GRM7: variants seen among roughly 807,000 people sequenced by gnomAD.
GRM7 encodes the protein metabotropic glutamate receptor 7.
In GRM7, 35 loss-of-function variants were observed where a neutral mutation model predicts 84.5. That is an observed-to-expected ratio of 0.41 (90% confidence interval 0.32 to 0.55). The LOEUF is 0.55. GRM7 is among the 20% of genes least tolerant of loss of function. The pLI is 0.19. For missense variants in GRM7, 1,003 were observed against 1,194.6 expected, an observed-to-expected ratio of 0.84 and a Z score of 2.36; for synonymous variants, 487 against 455.1, an observed-to-expected ratio of 1.07 and a Z score of -0.89.
At chr3:7,517,395 A>G (rs554258918) in intron 7 of GRM7, among the ~76,000 whole-genome samples, 2 of 152,128 alleles carry the variant, frequency 1.3e-5, no homozygotes, top group African/African-American at 4.8e-5. Flanking sequence ...TATTAGTATT[A>G]TTAGTATTAT....
At chr3:7,147,486 A>AAAG (rs944459438) in intron 2 of GRM7, among the ~76,000 whole-genome samples, 1 of 152,148 alleles carries the variant, frequency 6.6e-6, no homozygotes, top group Non-Finnish European at 1.5e-5. Flanking sequence ...CATGCAATTT[A>AAAG]AAGTGTTATT....
At chr3:7,199,379 T>C (rs1432348580) in intron 2 of GRM7, among the ~76,000 whole-genome samples, 1 of 152,212 alleles carries the variant, frequency 6.6e-6, no homozygotes, top group African/African-American at 2.4e-5. Context: ...TGCTGAGGGC[T>C]GATGCCACAT....
At chr3:7,481,063 CAA>C (rs1699108745) in intron 7 of GRM7, among the ~76,000 whole-genome samples, 1 of 149,984 alleles carries the variant, frequency 6.7e-6, no homozygotes, top group Non-Finnish European at 1.5e-5. Flanking sequence ...ATTGTAAATA[CAA>C]AGTCTTTATT....
At chr3:7,629,382 G>A (rs895477321) in intron 8 of GRM7, among the ~76,000 whole-genome samples, 5 of 152,082 alleles carry the variant, frequency 3.3e-5, no homozygotes, top group Non-Finnish European at 5.9e-5. Context: ...ATGCCAGCAG[G>A]GTTGGTTTCT....
intron 1 of GRM7, among the ~76,000 whole-genome samples, chr3:7,070,343 C>T (rs575265457): frequency 3.3e-5 from 5 of 152,188 alleles, no homozygotes; most frequent in Admixed American, 2.6e-4. Flanking sequence ...ATAACCTGCT[C>T]TCAATGTTGT....
chr3:7,481,384 C>T (rs1262139236), intron 7 of GRM7, among the ~76,000 whole-genome samples: 1 of 152,158 alleles, frequency 6.6e-6, no homozygotes, highest in Non-Finnish European at 1.5e-5. Context: ...TGAAACACTG[C>T]ACCTGGCCAA....
intron 2 of GRM7, among the ~76,000 whole-genome samples, chr3:7,258,917 C>T (rs1453690260): frequency 5.9e-5 from 9 of 152,140 alleles, no homozygotes; most frequent in Non-Finnish European, 1.2e-4. Context: ...CCAAGATGAG[C>T]GTGGAAAACC....
chr3:7,612,516 G>A (rs985016156), intron 8 of GRM7, among the ~76,000 whole-genome samples: 1 of 152,106 alleles, frequency 6.6e-6, no homozygotes, highest in African/African-American at 2.4e-5. Context: ...GGCGGATCAG[G>A]AAAATACTAA....
chr3:6,896,919 T>C (rs193224725), intron 1 of GRM7, among the ~76,000 whole-genome samples: 7 of 152,320 alleles, frequency 4.6e-5, no homozygotes, highest in Non-Finnish European at 7.4e-5. Context: ...TGTGAATGTA[T>C]GTGTGTGCTC....
rs566416803 is a variant in GRM7, at chr3:7,245,506, G to T, written c.737-53178G>T. Among the ~76,000 whole-genome samples the T allele has an allele frequency of 9.9e-5, 15 of 152,052 alleles. No individual in the cohort carries two copies. In the South Asian group the frequency reaches 2.9e-3, roughly 29 times the overall value. Reference sequence around the variant, plus strand: ...AAGATAAAGATACATCCTTAAAATGGCAAATTATGGAGAAAAAGGAGAAGG... The same window carrying T: ...AAGATAAAGATACATCCTTAAAATGTCAAATTATGGAGAAAAAGGAGAAGG... On this transcript the variant is annotated intron_variant, in intron 2 of 9. Transcript: ENST00000357716.
intron 1 of GRM7, among the ~76,000 whole-genome samples, chr3:6,886,110 G>T (rs11718511): frequency 4.2e-4 from 42 of 100,014 alleles, no homozygotes; most frequent in African/African-American, 1.2e-3. Flanking sequence ...TGTGTGTGTG[G>T]GTGTGTGTGT....
At chr3:7,603,411 C>T (rs1422479145) in intron 8 of GRM7, among the ~76,000 whole-genome samples, 1 of 152,012 alleles carries the variant, frequency 6.6e-6, no homozygotes, top group Non-Finnish European at 1.5e-5. Flanking sequence ...CCCCAGATTT[C>T]TACTGTTTTA....
At position 7,686,554 on chromosome 3, in the gene GRM7, A is replaced by G. The variant is rs1700593047; in HGVS notation, c.2698+6259A>G. 1.3e-5 allele frequency: 8 copies of G among 608,630 alleles called. 1 individual carries two copies. Among genetic ancestry groups the G allele is most frequent in the South Asian group, 1.3e-4 (6 of 46,644 alleles). The allele number at this position is 608,630 out of a possible 1,614,324, so 37.7% of individuals were successfully genotyped here. A position where few individuals can be genotyped will look rare whatever the true frequency, so the allele number is the denominator to read the frequency against. ...CATGATTACCTGAAAATATATCTAT[A>G]GGAAGAAATGAATTTTCAAAGATGA... On this transcript the variant is annotated intron_variant, in intron 9 of 9. Transcript: ENST00000357716.
chr3:7,335,750 A>G (rs1472210641), intron 4 of GRM7, among the ~76,000 whole-genome samples: 1 of 152,142 alleles, frequency 6.6e-6, no homozygotes, highest in Non-Finnish European at 1.5e-5. Context: ...CAGAAATACT[A>G]AAGATCATTC....
At chr3:6,881,648 C>A (rs1328298248) in intron 1 of GRM7, among the ~76,000 whole-genome samples, 1 of 150,962 alleles carries the variant, frequency 6.6e-6, no homozygotes, top group Non-Finnish European at 1.5e-5. Flanking sequence ...AGATACTTCT[C>A]AAAAGAAGAC....
chr3:7,046,506 C>T (rs1384959619), intron 1 of GRM7, among the ~76,000 whole-genome samples: 10 of 152,058 alleles, frequency 6.6e-5, no homozygotes, highest in African/African-American at 2.2e-4. Context: ...TCAGAACTTC[C>T]TTTTGTTTCT....
At position 7,555,242 on chromosome 3, in the gene GRM7, G is replaced by A. The variant is rs1359815684; in HGVS notation, c.1516-23180G>A. Among the ~76,000 whole-genome samples the A allele has an allele frequency of 3.9e-5, 6 of 152,122 alleles. No individual in the cohort carries two copies. The South Asian group carries it at 6.2e-4, about 16-fold the overall frequency. ...CCATTACTGTTAAATTATTATTGTGGCTGTCACTAGTAATAATAAGGTGGG... is the reference window on the plus strand; with the variant it reads ...CCATTACTGTTAAATTATTATTGTGACTGTCACTAGTAATAATAAGGTGGG... On this transcript the variant is annotated intron_variant, in intron 7 of 9. Coordinates refer to ENST00000357716, the MANE Select transcript of GRM7 (RefSeq NM_000844.4).
chr3:7,237,301 T>C lies in GRM7; in HGVS notation c.737-61383T>C, dbSNP rs1426476908. The stretch of plus-strand genomic sequence containing the variant: ...CCTTAACTTTAAGCAGTCCTTCTAT[T>C]AGGTGTTCTTGGAAATCCTGTAGAA... On this transcript the variant is annotated intron_variant, in intron 2 of 9. Transcript: ENST00000357716. 4.6e-5 allele frequency among the ~76,000 whole-genome samples: 7 copies of C among 152,344 alleles called. 1 individual carries two copies. In the South Asian group the frequency reaches 1.2e-3, roughly 27 times the overall value.
rs549655787 is a variant in GRM7, at chr3:7,018,620, G to C, written c.520-127832G>C. 1.5e-3 allele frequency among the ~76,000 whole-genome samples: 226 copies of C among 152,328 alleles called. 1 individual carries two copies. The Middle Eastern group carries it at 0.017, about 11-fold the overall frequency. ...AGGAAGTGAGTGGGGAAGTGGTGCAGCCCCAAAGCTTGGAGCTGTTAACGT... is the reference window on the plus strand; with the variant it reads ...AGGAAGTGAGTGGGGAAGTGGTGCACCCCCAAAGCTTGGAGCTGTTAACGT... On this transcript the variant is annotated intron_variant, in intron 1 of 9. Transcript: ENST00000357716.
Sources: gnomAD v4.1 joint callset for allele counts (sites outside exome capture counted in the v4.1 genomes callset) on GRCh38, gnomAD v4.1.1 for gene constraint, MANE v1.5 for transcripts, NCBI Gene and HGNC (gene_info 2026-07-23, HGNC 2026-07-21) for gene names.